BCAP31: variants seen among roughly 807,000 people sequenced by gnomAD.
BCAP31 encodes the protein B cell receptor associated protein 31.
For synonymous variants in BCAP31, 75 were observed against 80.9 expected (o/e 0.93, Z 0.39); for missense variants, 124 against 193.0 (o/e 0.64, Z 2.12).
At position 153,717,441 on chromosome X, in the gene BCAP31, C is replaced by T. The variant is rs782204534; in HGVS notation, c.194-1752G>A. Among the ~76,000 whole-genome samples, 4 of 111,962 alleles carry T rather than the reference C, an allele frequency of 3.6e-5. No individual in the cohort carries two copies. The East Asian group carries it at 1.1e-3, about 31-fold the overall frequency. ...GTATCACTGTATGGGTATCGAGGTT[C>T]TTTTTGTATGGTGGGTTACAGGGTC... On this transcript the variant is annotated intron_variant, in intron 3 of 7. Transcript: ENST00000345046.
At chrX:153,704,690 C>A (rs2148371927) in intron 4 of BCAP31, 1 of 112,836 alleles carries the variant, frequency 8.9e-6, no homozygotes, top group East Asian at 2.8e-4. Flanking sequence ...AGCTCGGAAC[C>A]ACTCTGCTCT....
chrX:153,722,969 A>T lies in BCAP31; in HGVS notation c.92+184T>A, dbSNP rs192890935. On this transcript the variant is annotated intron_variant, in intron 2 of 7. Transcript: ENST00000345046. ...AGGAAAAGGAACTGAGCAAGTCATG[A>T]CGAAGCAGAACCCTGGGAAGGGTTG... Among the ~76,000 whole-genome samples, 284 of 110,363 alleles carry T rather than the reference A, an allele frequency of 2.6e-3. 2 individuals carry two copies. Among genetic ancestry groups the T allele is most frequent in the Admixed American group, 0.02 (211 of 10,402 alleles).
chrX:153,701,886 G>A, intron 7 of BCAP31, 121 bp downstream of exon 7: 7 of 606,303 alleles, frequency 1.2e-5, no homozygotes, highest in South Asian at 3.1e-5. Context: ...AGGTGGCCAG[G>A]GGGAGTGGTG....
chrX:153,723,854 G>A, intron 1 of BCAP31: 2 of 607,679 alleles, frequency 3.3e-6, no homozygotes, highest in Non-Finnish European at 5.3e-6. Flanking sequence ...GCGGCCTTCC[G>A]CCCGGGGCCG....
intron 4 of BCAP31, among the ~76,000 whole-genome samples, chrX:153,708,386 G>A (rs2091568103): frequency 8.9e-6 from 1 of 112,446 alleles, no homozygotes; most frequent in Non-Finnish European, 1.9e-5. Flanking sequence ...AATGGAGAAG[G>A]AGCAAGTCCC....
At chrX:153,715,428 A>C in intron 4 of BCAP31, 114 bp downstream of exon 4, 1 of 1,056,471 alleles carries the variant, frequency 9.5e-7, no homozygotes, top group Non-Finnish European at 1.3e-6. Flanking sequence ...GATCCAGGCC[A>C]CAGACTGAGG....
chrX:153,720,297 T>C (rs979899423), intron 3 of BCAP31, among the ~76,000 whole-genome samples: 1 of 108,788 alleles, frequency 9.2e-6, no homozygotes, highest in Non-Finnish European at 1.9e-5. Flanking sequence ...AAAAAAGCAA[T>C]GTAAGGTGGC....
intron 4 of BCAP31, among the ~76,000 whole-genome samples, chrX:153,712,943 C>T (rs2091602483): frequency 8.9e-6 from 1 of 111,845 alleles, no homozygotes; most frequent in East Asian, 2.8e-4. Context: ...CGGTGGCTCA[C>T]GCCTGTGATC....
intron 3 of BCAP31, among the ~76,000 whole-genome samples, chrX:153,718,496 C>CT (rs1557050479): frequency 9.1e-6 from 1 of 110,435 alleles, no homozygotes; most frequent in Non-Finnish European, 1.9e-5. Context: ...AACATAAATA[C>CT]TTTGTGTGTA....
At chrX:153,701,885 G>T (rs2091520488) in intron 7 of BCAP31, 122 bp downstream of exon 7, 3 of 604,584 alleles carry the variant, frequency 5.0e-6, no homozygotes, top group Non-Finnish European at 7.6e-6. Context: ...GAGGTGGCCA[G>T]GGGGAGTGGT....
At chrX:153,716,929 C>T (rs1313629022) in intron 3 of BCAP31, among the ~76,000 whole-genome samples, 1 of 112,912 alleles carries the variant, frequency 8.9e-6, no homozygotes, top group Non-Finnish European at 1.9e-5. Flanking sequence ...AGTTCAAACA[C>T]ACCCAAAATG....
chrX:153,717,983 G>A (rs1345295555), intron 3 of BCAP31, among the ~76,000 whole-genome samples: 1 of 111,984 alleles, frequency 8.9e-6, no homozygotes, highest in African/African-American at 3.2e-5. Flanking sequence ...AACCACATGA[G>A]AGAATACTAC....
intron 4 of BCAP31, among the ~76,000 whole-genome samples, chrX:153,709,451 A>G (rs1429803404): frequency 1.8e-5 from 2 of 112,378 alleles, no homozygotes; most frequent in Admixed American, 1.9e-4. Flanking sequence ...TGAGTAAGGC[A>G]GAGAAGGCAG....
intron 3 of BCAP31, among the ~76,000 whole-genome samples, chrX:153,716,495 C>G (rs975265952): frequency 9.6e-6 from 1 of 103,726 alleles, no homozygotes; most frequent in East Asian, 3.0e-4. Context: ...AATCCCAACA[C>G]TTTGGGAGGC....
At position 153,711,048 on chromosome X, in the gene BCAP31, C is replaced by T. The variant is rs1370316625; in HGVS notation, c.341+4494G>A. On this transcript the variant is annotated intron_variant, in intron 4 of 7. Coordinates refer to ENST00000345046, the MANE Select transcript of BCAP31 (RefSeq NM_001256447.2). Reference sequence around the variant, plus strand: ...CCTGCTCAACCCTGCTCTCCCTGTCCCCTCCTTTCCTTGCTGCCCCCAGGC... The same window carrying T: ...CCTGCTCAACCCTGCTCTCCCTGTCTCCTCCTTTCCTTGCTGCCCCCAGGC... 5.4e-5 allele frequency among the ~76,000 whole-genome samples: 6 copies of T among 112,040 alleles called. No individual in the cohort carries two copies. In the Admixed American group the frequency reaches 5.7e-4, roughly 11 times the overall value.
At chrX:153,707,667 G>A (rs190966434) in intron 4 of BCAP31, among the ~76,000 whole-genome samples, 41 of 112,167 alleles carry the variant, frequency 3.7e-4, no homozygotes, top group African/African-American at 1.2e-3. Flanking sequence ...TGGCTGCAGG[G>A]GGAAAAAACA....
In BCAP31 at chrX:153,701,997, G is replaced by A. The variant is rs1557047441; in HGVS notation, c.702+10C>T. ...TCCTGCCCTGGGCGCAGCAATACGGGAGGGCTGACCTGCAGCTTTGCGTGC... is the reference window on the plus strand; with the variant it reads ...TCCTGCCCTGGGCGCAGCAATACGGAAGGGCTGACCTGCAGCTTTGCGTGC... On this transcript the variant is annotated intron_variant, in intron 7 of 7. Coordinates refer to ENST00000345046, the MANE Select transcript of BCAP31 (RefSeq NM_001256447.2). 8.3e-7 allele frequency: 1 copy of A among 1,208,260 alleles called. No individual in the cohort carries two copies. Among genetic ancestry groups the A allele is most frequent in the Non-Finnish European group, 1.1e-6 (1 of 892,707 alleles).
chrX:153,707,881 C>A (rs1419052372), intron 4 of BCAP31, among the ~76,000 whole-genome samples: 6 of 113,356 alleles, frequency 5.3e-5, no homozygotes, highest in Admixed American at 2.8e-4. Context: ...TTGTCTGTTC[C>A]CTTGTAGCTT....
intron 4 of BCAP31, among the ~76,000 whole-genome samples, chrX:153,707,390 G>C (rs1162631303): frequency 9.0e-6 from 1 of 110,531 alleles, no homozygotes; most frequent in Non-Finnish European, 1.9e-5. Flanking sequence ...AAAAGGGGGG[G>C]AGGGCGCGGG....
Sources: allele counts gnomAD v4.1 joint callset (sites outside exome capture counted in the v4.1 genomes callset), GRCh38; gene constraint gnomAD v4.1.1; transcripts MANE v1.5; gene names NCBI Gene and HGNC (gene_info 2026-07-23, HGNC 2026-07-21).